Variants in MYOZ2 observed in about 807,000 individuals in gnomAD.
MYOZ2 encodes the protein myozenin 2.
MYOZ2 carries 19 observed loss-of-function variants against 25.4 expected under a neutral mutation model. The ratio of observed to expected loss-of-function variants is 0.75; its 90% CI spans 0.52 to 1.10. MYOZ2 has a LOEUF of 1.10. Ranked by LOEUF, MYOZ2 falls within the 50% of genes least tolerant of loss-of-function variation. The probability of loss-of-function intolerance (pLI) is 0.00; values close to 1 mark genes in which losing one functional copy is unlikely to be tolerated. For synonymous variants in MYOZ2, 92 were observed against 106.9 expected, an observed-to-expected ratio of 0.86 and a Z score of 0.86; for missense variants, 270 against 317.9, an observed-to-expected ratio of 0.85 and a Z score of 1.15.
At chr4:119,176,920 T>G (rs952616831) in intron 5 of MYOZ2, among the ~76,000 whole-genome samples, 5 of 152,184 alleles carry the variant, frequency 3.3e-5, no homozygotes, top group African/African-American at 1.2e-4. Flanking sequence ...TGCTCTAAGA[T>G]TCTGTAGTTC....
intron 2 of MYOZ2, among the ~76,000 whole-genome samples, chr4:119,143,482 C>T (rs147767147): frequency 6.6e-6 from 1 of 152,204 alleles, no homozygotes; most frequent in East Asian, 1.9e-4. Flanking sequence ...GCGTGAGCCA[C>T]CGCGCCTGGC....
intron 5 of MYOZ2, among the ~76,000 whole-genome samples, chr4:119,174,822 G>T (rs1742023848): frequency 6.6e-6 from 1 of 151,896 alleles, no homozygotes. Flanking sequence ...TCACTTTTTG[G>T]GTCCACGCTG....
intron 5 of MYOZ2, among the ~76,000 whole-genome samples, chr4:119,165,820 G>GT (rs796891577): frequency 2.0e-5 from 3 of 152,290 alleles, no homozygotes; most frequent in African/African-American, 7.2e-5. Flanking sequence ...AGACTTCTCT[G>GT]TATCTTGTGG....
intron 5 of MYOZ2, among the ~76,000 whole-genome samples, chr4:119,170,905 A>G (rs989094727): frequency 6.6e-6 from 1 of 152,208 alleles, no homozygotes; most frequent in South Asian, 2.1e-4. Context: ...ACAATTAAGA[A>G]AATCTTAAAG....
intron 5 of MYOZ2, among the ~76,000 whole-genome samples, chr4:119,172,383 G>T (rs768067590): frequency 3.9e-5 from 6 of 152,136 alleles, no homozygotes; most frequent in Non-Finnish European, 5.9e-5. Flanking sequence ...TGGGTAGTGG[G>T]GACAGTGAGT....
At chr4:119,161,264 G>A (rs189900671) in intron 4 of MYOZ2, among the ~76,000 whole-genome samples, 127 of 152,128 alleles carry the variant, frequency 8.3e-4, no homozygotes, top group Non-Finnish European at 1.4e-3. Context: ...GGGGAGTTGG[G>A]GTATTATTAT....
intron 5 of MYOZ2, among the ~76,000 whole-genome samples, chr4:119,174,566 A>G (rs1401729350): frequency 6.6e-6 from 1 of 151,798 alleles, no homozygotes; most frequent in African/African-American, 2.4e-5. Context: ...TTGTGTCCAT[A>G]CTCTGTATCT....
At chr4:119,136,944 T>G (rs969430863) in intron 2 of MYOZ2, among the ~76,000 whole-genome samples, 15 of 152,156 alleles carry the variant, frequency 9.9e-5, no homozygotes, top group African/African-American at 3.4e-4. Context: ...TTGTCTTTAT[T>G]GTCCATCCCA....
intron 5 of MYOZ2, among the ~76,000 whole-genome samples, chr4:119,165,086 T>C (rs1578738954): frequency 6.7e-6 from 1 of 149,460 alleles, no homozygotes; most frequent in East Asian, 1.9e-4. Context: ...TAGTATGCTG[T>C]CTCACACTCA....
intron 2 of MYOZ2, among the ~76,000 whole-genome samples, chr4:119,145,472 G>A (rs1413992769): frequency 1.4e-5 from 2 of 147,518 alleles, no homozygotes; most frequent in African/African-American, 5.0e-5. Flanking sequence ...CTCCCAAGTA[G>A]CTGGGACCAA....
At chr4:119,165,670 G>A (rs74214732) in intron 5 of MYOZ2, among the ~76,000 whole-genome samples, 1 of 151,408 alleles carries the variant, frequency 6.6e-6, no homozygotes, top group East Asian at 1.9e-4. Flanking sequence ...AAAGTTGGAG[G>A]CCCATTCTGA....
chr4:119,172,881 T>G lies in MYOZ2; in HGVS notation c.560+8487T>G, dbSNP rs556642513. Among the ~76,000 whole-genome samples, 7 of 152,324 alleles carry G rather than the reference T, an allele frequency of 4.6e-5. No individual in the cohort carries two copies. The South Asian group carries it at 1.0e-3, about 23-fold the overall frequency. The stretch of plus-strand genomic sequence containing the variant: ...GTAAGATCTCTCACTGTTATAATTT[T>G]CTCAGTTATAATTTTGCAAAGGCAG... On this transcript the variant is annotated intron_variant, in intron 5 of 5. Coordinates refer to ENST00000307128, the MANE Select transcript of MYOZ2 (RefSeq NM_016599.5).
At chr4:119,173,704 C>T (rs1026802382) in intron 5 of MYOZ2, among the ~76,000 whole-genome samples, 1 of 152,252 alleles carries the variant, frequency 6.6e-6, no homozygotes, top group Admixed American at 6.5e-5. Context: ...CTTCAGCCCA[C>T]CGCTGCACTG....
intron 5 of MYOZ2, among the ~76,000 whole-genome samples, chr4:119,179,135 G>T (rs1383125339): frequency 6.6e-6 from 1 of 152,164 alleles, no homozygotes; most frequent in Non-Finnish European, 1.5e-5. Context: ...ATCCAAACTT[G>T]TTATCATGGC....
chr4:119,139,943 G>A (rs112664815), intron 2 of MYOZ2, among the ~76,000 whole-genome samples: 2 of 97,466 alleles, frequency 2.1e-5, no homozygotes, highest in African/African-American at 5.1e-5. Flanking sequence ...AACTGGGCAG[G>A]TTGTTTTTTT....
intron 2 of MYOZ2, among the ~76,000 whole-genome samples, chr4:119,137,147 A>G (rs1741049125): frequency 1.3e-5 from 2 of 152,122 alleles, no homozygotes; most frequent in Admixed American, 1.3e-4. Flanking sequence ...TGCAAAGTCT[A>G]CTTTTATTTG....
At chr4:119,160,931 A>G (rs1475356966) in intron 4 of MYOZ2, among the ~76,000 whole-genome samples, 1 of 16,712 alleles carries the variant, frequency 6.0e-5, no homozygotes, top group Non-Finnish European at 1.5e-4. Context: ...ATATAAATTT[A>G]TATATAAATA....
chr4:119,180,698 C>T (rs890153702), intron 5 of MYOZ2, among the ~76,000 whole-genome samples: 4 of 152,056 alleles, frequency 2.6e-5, no homozygotes, highest in East Asian at 1.9e-4. Context: ...GGATTACAGG[C>T]GCCTGTCTCC....
chr4:119,169,195 ATTG>A (rs1353943512), intron 5 of MYOZ2, among the ~76,000 whole-genome samples: 1 of 152,236 alleles, frequency 6.6e-6, no homozygotes, highest in Non-Finnish European at 1.5e-5. Flanking sequence ...TTTCAGACAT[ATTG>A]TTCTTAAGGA....
Sources: gnomAD v4.1 joint callset for allele counts (sites outside exome capture counted in the v4.1 genomes callset) on GRCh38, gnomAD v4.1.1 for gene constraint, MANE v1.5 for transcripts, NCBI Gene and HGNC (gene_info 2026-07-23, HGNC 2026-07-21) for gene names.